The following ATRN variants were observed in gnomAD, a reference collection of about 807,000 sequenced individuals.
ATRN encodes attractin, also known as attractin-2.
ATRN carries 54 observed loss-of-function variants against 178.7 expected under a neutral mutation model. The observed-to-expected ratio is 0.30, with a 90% CI of 0.24 to 0.38. The LOEUF is 0.38. Ranked by LOEUF, ATRN falls within the 10% of genes least tolerant of loss-of-function variation. ATRN has a pLI of 1.00. For synonymous variants in ATRN, 636 were observed against 663.0 expected (o/e 0.96, Z 0.63); for missense variants, 1,443 against 1,815.1 (o/e 0.79, Z 3.73).
intron 1 of ATRN, among the ~76,000 whole-genome samples, chr20:3,507,357 C>T (rs2085060050): frequency 1.3e-5 from 2 of 150,136 alleles, no homozygotes; most frequent in African/African-American, 4.9e-5. Flanking sequence ...TGCGGTGAAC[C>T]GAGATCGCGC....
chr20:3,614,976 A>G (rs1231827974), intron 24 of ATRN, among the ~76,000 whole-genome samples: 2 of 152,074 alleles, frequency 1.3e-5, no homozygotes, highest in Admixed American at 6.5e-5. Flanking sequence ...AATCTTCCTT[A>G]TATGTATATA....
At chr20:3,496,742 T>C (rs1036378724) in intron 1 of ATRN, among the ~76,000 whole-genome samples, 21 of 152,128 alleles carry the variant, frequency 1.4e-4, no homozygotes, top group African/African-American at 4.8e-4. Flanking sequence ...CTAATGTTGG[T>C]CTAATGTTGA....
Position 3,582,233 on chromosome 20 carries a change from G to A in ATRN, c.2643G>A (p.Gln881=), listed in dbSNP as rs1324367099. The A allele has an allele frequency of 1.2e-6, 2 of 1,614,008 alleles. No individual in the cohort carries two copies. Among genetic ancestry groups the A allele is most frequent in the Non-Finnish European group, 1.7e-6 (2 of 1,180,026 alleles). Reference sequence around the variant, plus strand: ...CCCCATTTACAAATAGTTTACTACAGTGGATGCCGTCTGAGCCCAGTGATG... The same window carrying A: ...CCCCATTTACAAATAGTTTACTACAATGGATGCCGTCTGAGCCCAGTGATG... ...DMSPFTNSLL[Q]WMPSEPSDAG... is the part of the protein sequence containing the mutation. The change falls in exon 16 of 29, where the codon CAG becomes CAA. Residue 881 remains glutamine (Q), a synonymous_variant. Transcript: ENST00000262919.
At chr20:3,508,181 T>C (rs77703802) in intron 1 of ATRN, among the ~76,000 whole-genome samples, 2,182 of 151,498 alleles carry the variant, frequency 0.014, 15 homozygotes, top group Non-Finnish European at 0.021. Flanking sequence ...AGACCTTGTC[T>C]CAGTTTTAAA....
chr20:3,473,607 C>T (rs2084465424), intron 1 of ATRN, among the ~76,000 whole-genome samples: 1 of 152,156 alleles, frequency 6.6e-6, no homozygotes, highest in Non-Finnish European at 1.5e-5. Flanking sequence ...ATACAAATGG[C>T]CTTGAAGGTG....
chr20:3,554,458 C>T (rs1436766930), intron 6 of ATRN, among the ~76,000 whole-genome samples: 1 of 151,930 alleles, frequency 6.6e-6, no homozygotes, highest in Non-Finnish European at 1.5e-5. Flanking sequence ...GCCTCAGCCT[C>T]CCGAGTAGCT....
At chr20:3,628,839 T>C (rs1177421576) in intron 25 of ATRN, 2 of 968,592 alleles carry the variant, frequency 2.1e-6, no homozygotes, top group Non-Finnish European at 1.2e-6. Context: ...TACTGCTGCT[T>C]CTTAGCCTGC....
chr20:3,601,731 A>T (rs2086611706), intron 23 of ATRN, among the ~76,000 whole-genome samples: 1 of 148,590 alleles, frequency 6.7e-6, no homozygotes, highest in Admixed American at 6.8e-5. Context: ...AGGTGTAGTG[A>T]CTCATACCTG....
intron 25 of ATRN, among the ~76,000 whole-genome samples, chr20:3,630,338 A>G (rs73581441): frequency 6.6e-6 from 1 of 152,176 alleles, no homozygotes; most frequent in Non-Finnish European, 1.5e-5. Flanking sequence ...GGAGCAGTGC[A>G]CTGTCTCTCG....
chr20:3,601,148 A>G, intron 23 of ATRN, 124 bp downstream of exon 23: 1 of 731,730 alleles, frequency 1.4e-6, no homozygotes, highest in Non-Finnish European at 2.3e-6. Context: ...GCCACTTACT[A>G]GCTATGAGAC....
rs751887653 is a variant in ATRN at position 3,629,369 on chromosome 20, A to G, written c.3863+4797A>G. The G allele has an allele frequency of 2.3e-5, 21 of 916,350 alleles. No homozygotes were observed. In the South Asian group the frequency reaches 7.1e-4, roughly 31 times the overall value. The allele number at this position is 916,350 out of a possible 1,614,324, so 56.8% of individuals were successfully genotyped here. A position where few individuals can be genotyped will look rare whatever the true frequency, so the allele number is the denominator to read the frequency against. Reference sequence around the variant, plus strand: ...ATTTCTGCTACCAGGACCATCTCCTATGTCTTCAAAAGCACAAGCTCTTTC... The same window carrying G: ...ATTTCTGCTACCAGGACCATCTCCTGTGTCTTCAAAAGCACAAGCTCTTTC... On this transcript the variant is annotated intron_variant, in intron 25 of 28. Coordinates refer to ENST00000262919, the MANE Select transcript of ATRN (RefSeq NM_139321.3).
chr20:3,630,916 CTTTTTTTTTTTTTTTTTTTTTTTTTTT>C lies in ATRN; in HGVS notation c.3864-3373_3864-3347del, dbSNP rs368394749. 4.1e-3 allele frequency among the ~76,000 whole-genome samples: 180 copies of C among 43,452 alleles called. 1 individual carries two copies. Among genetic ancestry groups the C allele is most frequent in the African/African-American group, 0.013 (127 of 10,154 alleles). The allele number at this position is 43,452 out of a possible 152,430, so 28.5% of individuals were successfully genotyped here. A position where few individuals can be genotyped will look rare whatever the true frequency, so the allele number is the denominator to read the frequency against. Reference sequence around the variant, plus strand: ...ACCATGTCTAAAAGAATTTATTTAGCTTTTTTTTTTTTTTTTTTTTTTTTTTTTTTTTTTTTTTTTTTTTTTTTGGGA... The same window carrying C: ...ACCATGTCTAAAAGAATTTATTTAGCTTTTTTTTTTTTTTTTTTTTTGGGA... On this transcript the variant is annotated intron_variant, in intron 25 of 28. Transcript: ENST00000262919.
intron 1 of ATRN, among the ~76,000 whole-genome samples, chr20:3,492,868 T>TGCGC (rs1568685734): frequency 7.5e-5 from 8 of 106,142 alleles, no homozygotes; most frequent in South Asian, 2.7e-4. Flanking sequence ...CGCGCGCGCG[T>TGCGC]GCGCACGCAC....
chr20:3,575,108 A>C (rs2086187716), intron 12 of ATRN, among the ~76,000 whole-genome samples: 1 of 152,072 alleles, frequency 6.6e-6, no homozygotes, highest in Non-Finnish European at 1.5e-5. Flanking sequence ...GGATTACAGG[A>C]ACGCGCCACT....
chr20:3,640,634 C>T (rs570467394), intron 27 of ATRN, among the ~76,000 whole-genome samples: 2 of 152,254 alleles, frequency 1.3e-5, no homozygotes, highest in African/African-American at 2.4e-5. Flanking sequence ...TCACATACAA[C>T]ATGGAGAAAC....
rs2087041421 is a variant in ATRN, at chr20:3,638,373, A to G, written c.3943-455A>G. Among the ~76,000 whole-genome samples the G allele has an allele frequency of 6.6e-6, 1 of 152,040 alleles. No individual in the cohort carries two copies. Among genetic ancestry groups the G allele is most frequent in the Admixed American group, 6.6e-5 (1 of 15,264 alleles). ...GTTCAACTCCCACTTAAGAGTGAGG[A>G]CATGGAGTATTTGGTTTTCTGTTCC... On this transcript the variant is annotated intron_variant, in intron 26 of 28. Coordinates refer to ENST00000262919, the MANE Select transcript of ATRN (RefSeq NM_139321.3). The surrounding 1 kb of genome is among the most constrained non-coding windows in gnomAD (Gnocchi z 4.5).
intron 1 of ATRN, among the ~76,000 whole-genome samples, chr20:3,498,733 A>G (rs145053037): frequency 0.071 from 10,713 of 151,772 alleles, 426 homozygotes; most frequent in Middle Eastern, 0.092. Flanking sequence ...ATCATACTGA[A>G]TAGGCAAAAA....
intron 10 of ATRN, among the ~76,000 whole-genome samples, chr20:3,564,182 A>C (rs1190959817): frequency 6.6e-6 from 1 of 152,228 alleles, no homozygotes; most frequent in Non-Finnish European, 1.5e-5. Context: ...AATAACTTAA[A>C]GCCCTTAGCC....
chr20:3,492,867 G>A (rs899527516), intron 1 of ATRN, among the ~76,000 whole-genome samples: 15 of 111,762 alleles, frequency 1.3e-4, no homozygotes, highest in South Asian at 4.7e-4. Flanking sequence ...GCGCGCGCGC[G>A]TGCGCACGCA....
Sources: allele counts gnomAD v4.1 joint callset (sites outside exome capture counted in the v4.1 genomes callset), GRCh38; gene constraint gnomAD v4.1.1; non-coding constraint Gnocchi (gnomAD v3.1); transcripts MANE v1.5; gene names NCBI Gene and HGNC (gene_info 2026-07-23, HGNC 2026-07-21).